Variants in CEACAM21 observed in about 807,000 individuals in gnomAD.
CEACAM21 encodes the protein CEA cell adhesion molecule 21.
CEACAM21 carries 38 observed loss-of-function variants against 33.2 expected under a neutral mutation model. The ratio of observed to expected loss-of-function variants is 1.14; its 90% CI spans 0.88 to 1.50. The LOEUF (loss-of-function observed/expected upper bound fraction) is 1.50, where lower values mean the gene tolerates loss of function less well. Among genes scored for constraint, CEACAM21 ranks in the 40% most tolerant of loss-of-function variants. The pLI is 0.00. For missense variants in CEACAM21, 385 were observed against 364.6 expected (o/e 1.06, Z -0.46); for synonymous variants, 156 against 143.0 (o/e 1.09, Z -0.65).
upstream of CEACAM21, chr19:41,576,076 C>A: frequency 3.3e-6 from 2 of 615,348 alleles, no homozygotes; most frequent in Non-Finnish European, 5.7e-6. Context: ...GGAGGCAGGA[C>A]TGAGAGGGGA....
intron 2 of CEACAM21, among the ~76,000 whole-genome samples, chr19:41,566,096 GACC>G (rs1369244854): frequency 6.6e-6 from 1 of 151,970 alleles, no homozygotes; most frequent in Non-Finnish European, 1.5e-5. Context: ...ATTGCTGAAA[GACC>G]CACCAAAGGA....
intron 1 of CEACAM21, among the ~76,000 whole-genome samples, chr19:41,576,813 C>T (rs1487134217): frequency 2.0e-5 from 3 of 152,156 alleles, no homozygotes; most frequent in Non-Finnish European, 4.4e-5. Context: ...GGAAGACAGA[C>T]ACCCAAAGAG....
chr19:41,585,983 A>G, intron 6 of CEACAM21, 112 bp downstream of exon 6: 1 of 1,168,398 alleles, frequency 8.6e-7, no homozygotes, highest in Non-Finnish European at 1.3e-6. Context: ...AATGACTTGG[A>G]TAAGGTTAGA....
At chr19:41,576,476 C>A in intron 1 of CEACAM21, 138 bp downstream of exon 1, 1 of 896,022 alleles carries the variant, frequency 1.1e-6, no homozygotes, top group South Asian at 2.1e-5. Context: ...CTAAGGAGAA[C>A]CAAAAAATCT....
intron 6 of CEACAM21, chr19:41,586,224 C>T: frequency 1.5e-5 from 8 of 538,598 alleles, no homozygotes; most frequent in South Asian, 1.2e-4. Context: ...TATTCTGGTC[C>T]CTTGGGCCCC....
chr19:41,555,347 G>A (rs1178396654), intron 1 of CEACAM21: 3 of 144,748 alleles, frequency 2.1e-5, no homozygotes, highest in African/African-American at 7.7e-5. Context: ...ATATAGATGA[G>A]CCTCAAGAGA....
intron 6 of CEACAM21, 53 bp downstream of exon 6, chr19:41,585,924 C>T: frequency 6.3e-7 from 1 of 1,577,834 alleles, no homozygotes; most frequent in Middle Eastern, 1.7e-4. Flanking sequence ...GCTGTGCAGG[C>T]TCAGGGCAGG....
At chr19:41,575,910 T>A (rs1420207070), upstream of CEACAM21, among the ~76,000 whole-genome samples, 1 of 152,168 alleles carries the variant, frequency 6.6e-6, no homozygotes, top group African/African-American at 2.4e-5. Context: ...AGGGAAATAA[T>A]CTACCGGCTG....
chr19:41,583,558 T>C (rs1440535570), intron 3 of CEACAM21, among the ~76,000 whole-genome samples: 1 of 152,210 alleles, frequency 6.6e-6, no homozygotes. Context: ...GTTTAATTGA[T>C]TCACAATTCC....
intron 3 of CEACAM21, among the ~76,000 whole-genome samples, chr19:41,581,061 G>C (rs1316734640): frequency 2.0e-5 from 3 of 152,196 alleles, no homozygotes; most frequent in African/African-American, 7.2e-5. Flanking sequence ...CCCAAAATCT[G>C]GCCATAAACT....
At chr19:41,581,666 A>G (rs1358634993) in intron 3 of CEACAM21, among the ~76,000 whole-genome samples, 2 of 152,208 alleles carry the variant, frequency 1.3e-5, no homozygotes, top group African/African-American at 4.8e-5. Flanking sequence ...CATGTCTTAC[A>G]TGGCGGCAGG....
At chr19:41,575,885 T>C (rs547398922), upstream of CEACAM21, among the ~76,000 whole-genome samples, 6 of 152,266 alleles carry the variant, frequency 3.9e-5, no homozygotes, top group South Asian at 1.2e-3. Context: ...GCCCAGCTGG[T>C]TTTGTGTGTC....
In CEACAM21 at chr19:41,577,516, A is replaced by G. The variant is rs377503569; in HGVS notation, c.381A>G (p.Arg127=). ...ACTACAACCTACAAGTCACATACAG[A>G]AATTCTCAGATTGAACAGGCATCTC... The part of the protein sequence containing the change: ...TGYYNLQVTY[R]NSQIEQASHH... The change falls in exon 2 of 7, where the codon AGA becomes AGG. Residue 127 remains arginine, a synonymous_variant. Coordinates refer to ENST00000401445, the MANE Select transcript of CEACAM21 (RefSeq NM_001098506.4). The G allele has an allele frequency of 1.2e-6, 2 of 1,613,902 alleles. No individual in the cohort carries two copies. Among genetic ancestry groups the G allele is most frequent in the African/African-American group, 2.7e-5 (2 of 74,912 alleles).
chr19:41,564,812 T>TG (rs1555787904), exon 2 of CEACAM21: 1 of 152,210 alleles, frequency 6.6e-6, no homozygotes, highest in Non-Finnish European at 1.5e-5. Flanking sequence ...GAGTCACGGT[T>TG]TCTCCTCCGT....
chr19:41,556,458 T>C (rs1183977610), intron 1 of CEACAM21, among the ~76,000 whole-genome samples: 1 of 152,214 alleles, frequency 6.6e-6, no homozygotes, highest in Non-Finnish European at 1.5e-5. Context: ...TATGTACATA[T>C]AATTAAATAT....
upstream of CEACAM21, among the ~76,000 whole-genome samples, chr19:41,575,039 C>T (rs1176805973): frequency 6.6e-6 from 1 of 152,020 alleles, no homozygotes; most frequent in Non-Finnish European, 1.5e-5. Flanking sequence ...TATGCTACGA[C>T]GTGGATGAAT....
intron 1 of CEACAM21, chr19:41,553,894 T>C (rs1158504659): frequency 2.0e-5 from 3 of 152,132 alleles, no homozygotes; most frequent in African/African-American, 4.8e-5. Context: ...ATTGCACTTA[T>C]GCAAATAACT....
upstream of CEACAM21, chr19:41,576,113 G>GC (rs1399546780): frequency 8.2e-6 from 6 of 730,830 alleles, no homozygotes; most frequent in African/African-American, 1.1e-4. Flanking sequence ...TGTAGGCAGA[G>GC]CCCCGCCCTT....
intron 1 of CEACAM21, among the ~76,000 whole-genome samples, chr19:41,560,492 T>G (rs1490547484): frequency 3.9e-5 from 6 of 152,188 alleles, no homozygotes; most frequent in Admixed American, 3.9e-4. Flanking sequence ...TTCTTAGCTC[T>G]TATTGTGAGG....
Sources: allele counts gnomAD v4.1 joint callset (sites outside exome capture counted in the v4.1 genomes callset), GRCh38; gene constraint gnomAD v4.1.1; transcripts MANE v1.5; gene names NCBI Gene and HGNC (gene_info 2026-07-23, HGNC 2026-07-21).